The following KYAT3 variants were observed in gnomAD, a reference collection of about 807,000 sequenced individuals.
The protein encoded by KYAT3 is kynurenine aminotransferase 3.
Under a neutral mutation model 59.0 loss-of-function variants are expected in KYAT3, and 50 were observed. The observed-to-expected ratio is 0.85, with a 90% confidence interval of 0.68 to 1.07. The LOEUF (loss-of-function observed/expected upper bound fraction) is 1.07, where lower values mean the gene tolerates loss of function less well. KYAT3 is among the 50% of genes least tolerant of loss of function. KYAT3 has a pLI of 0.00. For missense variants in KYAT3, 497 were observed against 533.3 expected, an observed-to-expected ratio of 0.93 and a Z score of 0.67; for synonymous variants, 148 against 177.0, an observed-to-expected ratio of 0.84 and a Z score of 1.30.
chr1:88,961,076 G>C, intron 8 of KYAT3, 91 bp downstream of exon 8: 1 of 1,318,696 alleles, frequency 7.6e-7, no homozygotes, highest in South Asian at 1.2e-5. Flanking sequence ...TACAAAGACT[G>C]TTTTAGAGTT....
At chr1:88,952,012 C>T (rs2765524) in intron 10 of KYAT3, among the ~76,000 whole-genome samples, 94,125 of 151,926 alleles carry the variant, frequency 0.62, 29,318 homozygotes, top group Middle Eastern at 0.8. Flanking sequence ...AAGCAGAGGA[C>T]AGACTCTCCT....
chr1:88,985,609 C>G (rs1205888505), intron 2 of KYAT3, among the ~76,000 whole-genome samples: 2 of 152,270 alleles, frequency 1.3e-5, no homozygotes, highest in East Asian at 3.9e-4. Context: ...GTGAAGTAGG[C>G]AGGTTACCTG....
intron 13 of KYAT3, among the ~76,000 whole-genome samples, chr1:88,937,790 C>T (rs1189084212): frequency 6.6e-6 from 1 of 152,038 alleles, no homozygotes; most frequent in East Asian, 1.9e-4. Context: ...AAGTGCATAG[C>T]CTGAGTCTAA....
chr1:88,928,248 C>G, the KYAT3 span, among the ~76,000 whole-genome samples: 1 of 152,068 alleles, frequency 6.6e-6, no homozygotes, highest in Non-Finnish European at 1.5e-5. Flanking sequence ...AAATTTTTCA[C>G]TCAGTCAGCT....
intron 8 of KYAT3, among the ~76,000 whole-genome samples, chr1:88,957,659 T>C (rs184658701): frequency 3.9e-5 from 6 of 152,340 alleles, no homozygotes. Flanking sequence ...ACATCTTGCA[T>C]ATCTTTAGTA....
intron 4 of KYAT3, among the ~76,000 whole-genome samples, chr1:88,967,195 T>A (rs543926237): frequency 3.0e-4 from 46 of 152,206 alleles, no homozygotes; most frequent in African/African-American, 1.1e-3. Flanking sequence ...TGGCATTTTT[T>A]AAATCAGTTT....
At chr1:88,983,034 C>G (rs202218737) in intron 2 of KYAT3, 34 of 1,599,072 alleles carry the variant, frequency 2.1e-5, no homozygotes, top group Admixed American at 1.7e-5. Context: ...CGACCATATC[C>G]ATCTCTATCG....
chr1:88,935,306 A>C (rs1478218421), downstream of KYAT3, among the ~76,000 whole-genome samples: 1 of 151,378 alleles, frequency 6.6e-6, no homozygotes, highest in African/African-American at 2.4e-5. Flanking sequence ...CCTGGCTAAG[A>C]AGTGATATTT....
intron 1 of KYAT3, among the ~76,000 whole-genome samples, chr1:88,991,262 A>G (rs1023189429): frequency 6.6e-6 from 1 of 152,238 alleles, no homozygotes; most frequent in African/African-American, 2.4e-5. Flanking sequence ...AATCCTAAGA[A>G]ACTTAAAGCT....
At chr1:88,959,176 G>A (rs1676045507) in intron 8 of KYAT3, among the ~76,000 whole-genome samples, 1 of 151,728 alleles carries the variant, frequency 6.6e-6, no homozygotes, top group Non-Finnish European at 1.5e-5. Context: ...GCTATTTGGG[G>A]GGCTGAGGTG....
chr1:88,979,091 G>C (rs17130673), intron 2 of KYAT3, among the ~76,000 whole-genome samples: 1,824 of 152,306 alleles, frequency 0.012, 28 homozygotes, highest in African/African-American at 0.036. Flanking sequence ...AACTCAATCT[G>C]AAACAGTTTA....
chr1:88,941,274 T>G (rs1229643214), intron 13 of KYAT3, among the ~76,000 whole-genome samples: 1 of 152,176 alleles, frequency 6.6e-6, no homozygotes, highest in African/African-American at 2.4e-5. Flanking sequence ...TGGCTATCGG[T>G]TGTCTCTGAA....
In KYAT3 at chr1:88,977,929, A is replaced by G. The variant is rs184668858; in HGVS notation, c.100-8462T>C. On this transcript the variant is annotated intron_variant, in intron 2 of 13. Coordinates refer to ENST00000260508, the MANE Select transcript of KYAT3 (RefSeq NM_001008661.3). ...ATGCTGTATAGATTTGTAGCCTAGG[A>G]GCAATAGTCTATGCCATATAGCCTA... Among the ~76,000 whole-genome samples, 13 of 149,638 alleles carry G rather than the reference A, an allele frequency of 8.7e-5. No individual in the cohort carries two copies. The East Asian group carries it at 2.6e-3, about 30-fold the overall frequency.
rs1159034007 is a variant in KYAT3 at position 88,949,253 on chromosome 1, T to C, written c.979A>G (p.Ile327Val). The C allele has an allele frequency of 6.4e-7, 1 of 1,564,374 alleles. No individual in the cohort carries two copies. Among genetic ancestry groups the C allele is most frequent in the Admixed American group, 2.1e-5 (1 of 47,520 alleles). The change falls in exon 11 of 14, where the codon ATT (isoleucine) becomes GTT (valine). Residue 327 changes from isoleucine to valine, a missense_variant. Physicochemically the swap from Ile to Val is conservative, Grantham distance 29. Coordinates refer to ENST00000260508, the MANE Select transcript of KYAT3 (RefSeq NM_001008661.3). Reference sequence around the variant, plus strand: ...GGGTCATCCATGCGCTTGATGTCAATCCAGAAAGCTTGAGCCAAGGCTTCC... The same window carrying C: ...GGGTCATCCATGCGCTTGATGTCAACCCAGAAAGCTTGAGCCAAGGCTTCC... ...LQEALAQAFW[I>V]DIKRMDDPEC...
chr1:88,949,003 GC>G, intron 11 of KYAT3, 87 bp downstream of exon 11: 2 of 1,106,386 alleles, frequency 1.8e-6, no homozygotes, highest in South Asian at 3.9e-5. Flanking sequence ...TGCTGCTGTG[GC>G]TTTGACACCA....
chr1:88,950,075 C>A (rs982337769), intron 10 of KYAT3, among the ~76,000 whole-genome samples: 2 of 152,150 alleles, frequency 1.3e-5, no homozygotes, highest in African/African-American at 4.8e-5. Flanking sequence ...TGTAAGGACA[C>A]AGCAAAAGGC....
In KYAT3 at chr1:88,982,924, C is replaced by T. The variant is rs142293239; in HGVS notation, c.99+5328G>A. 1.0e-4 allele frequency: 169 copies of T among 1,613,952 alleles called. No homozygotes were observed. In the African/African-American group the frequency reaches 1.9e-3, roughly 18 times the overall value. ...AGCGACTGCTTCCACCATAAGATGG[C>T]GGGGGCCCTCGTGTAAGTGGAGCAC... is the stretch of plus-strand genomic sequence containing the variant. On this transcript the variant is annotated intron_variant, in intron 2 of 13. Coordinates refer to ENST00000260508, the MANE Select transcript of KYAT3 (RefSeq NM_001008661.3).
chr1:88,969,331 C>A (rs1676461623), intron 3 of KYAT3, 78 bp downstream of exon 3: 1 of 823,930 alleles, frequency 1.2e-6, no homozygotes, highest in Admixed American at 2.2e-5. Context: ...ATGGATGAGG[C>A]AAAAAAAACT....
At chr1:88,984,120 G>A (rs1187852963) in intron 2 of KYAT3, 1 of 454,140 alleles carries the variant, frequency 2.2e-6, no homozygotes, top group East Asian at 3.8e-5. Flanking sequence ...TGTAAAGCAG[G>A]GAAAGATGCT....
Sources: gnomAD v4.1 joint callset for allele counts (sites outside exome capture counted in the v4.1 genomes callset) on GRCh38, gnomAD v4.1.1 for gene constraint, MANE v1.5 for transcripts, NCBI Gene and HGNC (gene_info 2026-07-23, HGNC 2026-07-21) for gene names.